The following SLC8A1 variants were observed in gnomAD, a reference collection of about 807,000 sequenced individuals.
SLC8A1 encodes the protein solute carrier family 8 member A1.
SLC8A1 carries 18 observed loss-of-function variants against 68.3 expected under a neutral mutation model. The ratio of observed to expected loss-of-function variants is 0.26; its 90% CI spans 0.18 to 0.39. The LOEUF (loss-of-function observed/expected upper bound fraction) is 0.39. SLC8A1 is among the 10% of genes least tolerant of loss of function. The pLI is 1.00. For synonymous variants in SLC8A1, 475 were observed against 415.5 expected (o/e 1.14, Z -1.74); for missense variants, 985 against 1,156.7 (o/e 0.85, Z 2.15).
At chr2:40,350,343 T>A (rs994561192) in intron 2 of SLC8A1, among the ~76,000 whole-genome samples, 12 of 151,686 alleles carry the variant, frequency 7.9e-5, no homozygotes, top group African/African-American at 2.9e-4. Flanking sequence ...TAGCTGACTG[T>A]GTTGGTGTAG....
chr2:40,458,442 G>A (rs376521976), intron 1 of SLC8A1, among the ~76,000 whole-genome samples: 15 of 152,140 alleles, frequency 9.9e-5, no homozygotes, highest in East Asian at 5.8e-4. Context: ...AACATGTATC[G>A]TCCCCTGTAA....
chr2:40,207,865 A>G (rs945403058), intron 2 of SLC8A1, among the ~76,000 whole-genome samples: 53 of 151,988 alleles, frequency 3.5e-4, no homozygotes, highest in African/African-American at 1.3e-3. Flanking sequence ...AACCTGTTTT[A>G]CTTAGAGTGT....
chr2:40,156,870 C>G (rs2044629621), intron 6 of SLC8A1, among the ~76,000 whole-genome samples: 1 of 152,084 alleles, frequency 6.6e-6, no homozygotes, highest in Admixed American at 6.6e-5. Flanking sequence ...CTCTGCGTAC[C>G]TGTGTATACG....
intron 2 of SLC8A1, among the ~76,000 whole-genome samples, chr2:40,416,934 A>G (rs1370583923): frequency 1.3e-5 from 2 of 152,068 alleles, no homozygotes; most frequent in Non-Finnish European, 2.9e-5. Context: ...CCTAAGCATC[A>G]CATTTTCCCA....
intron 4 of SLC8A1, among the ~76,000 whole-genome samples, chr2:40,173,046 A>G (rs545646954): frequency 6.5e-4 from 99 of 152,274 alleles, no homozygotes; most frequent in African/African-American, 2.2e-3. Context: ...ACAAGTTTTT[A>G]GTTAGGGTCT....
At chr2:40,341,237 C>G (rs911657892) in intron 2 of SLC8A1, among the ~76,000 whole-genome samples, 1 of 152,078 alleles carries the variant, frequency 6.6e-6, no homozygotes, top group Non-Finnish European at 1.5e-5. Flanking sequence ...GTCAATTCAT[C>G]TTCAGAAAAA....
chr2:40,277,045 A>G (rs923804795), intron 2 of SLC8A1, among the ~76,000 whole-genome samples: 3 of 152,246 alleles, frequency 2.0e-5, no homozygotes, highest in African/African-American at 7.2e-5. Context: ...ATTAAAAACA[A>G]TGATGGAATC....
intron 1 of SLC8A1, among the ~76,000 whole-genome samples, chr2:40,488,322 A>G (rs1024668567): frequency 8.6e-5 from 13 of 152,026 alleles, no homozygotes; most frequent in African/African-American, 2.2e-4. Context: ...GTGAAAGACT[A>G]TAAATGACAG....
chr2:40,387,125 A>G (rs1683820201), intron 2 of SLC8A1, among the ~76,000 whole-genome samples: 1 of 151,476 alleles, frequency 6.6e-6, no homozygotes. Context: ...CTCACAGAGC[A>G]TTGGACCTCA....
At chr2:40,255,345 A>G (rs1412275216) in intron 2 of SLC8A1, 1 of 152,176 alleles carries the variant, frequency 6.6e-6, no homozygotes, top group East Asian at 1.9e-4. Context: ...ACAGATCCTC[A>G]GCTTCTGGGA....
intron 6 of SLC8A1, among the ~76,000 whole-genome samples, chr2:40,150,338 C>T (rs1018132641): frequency 3.3e-5 from 5 of 152,156 alleles, no homozygotes; most frequent in African/African-American, 1.2e-4. Context: ...TTATGTGGCT[C>T]CTCTCTGCCT....
intron 2 of SLC8A1, among the ~76,000 whole-genome samples, chr2:40,238,405 G>A (rs1234440228): frequency 1.3e-5 from 2 of 149,374 alleles, no homozygotes; most frequent in Non-Finnish European, 3.0e-5. Context: ...TGACTCGGAA[G>A]GGAAACTCCC....
chr2:40,444,941 C>T (rs533503649), intron 1 of SLC8A1, among the ~76,000 whole-genome samples: 13 of 152,306 alleles, frequency 8.5e-5, no homozygotes, highest in African/African-American at 2.9e-4. Flanking sequence ...TACTTATCTT[C>T]CTTTACCTTC....
At chr2:40,494,188 A>G (rs1219297667) in intron 1 of SLC8A1, among the ~76,000 whole-genome samples, 1 of 152,052 alleles carries the variant, frequency 6.6e-6, no homozygotes, top group Non-Finnish European at 1.5e-5. Flanking sequence ...TGACTCCCCT[A>G]TCACTCTTGT....
Position 40,368,214 on chromosome 2 carries a change from CT to C in SLC8A1, c.1808+60258del, listed in dbSNP as rs374067774. ...TTTGATGGTGAACCAGTTATCAAAA[CT>C]TTTTGTGGATGTCTAACTACAGAAA... is the stretch of plus-strand genomic sequence containing the variant. On this transcript the variant is annotated intron_variant, in intron 2 of 7. Coordinates refer to ENST00000406785, the Ensembl canonical transcript of SLC8A1. Among the ~76,000 whole-genome samples the C allele has an allele frequency of 2.7e-4, 41 of 152,130 alleles. No individual in the cohort carries two copies. In the East Asian group the frequency reaches 7.2e-3, roughly 27 times the overall value.
chr2:40,186,286 C>T (rs78073513), intron 2 of SLC8A1, among the ~76,000 whole-genome samples: 24 of 152,326 alleles, frequency 1.6e-4, no homozygotes, highest in Non-Finnish European at 2.5e-4. Flanking sequence ...TTATTTCTTA[C>T]TACCTACAGG....
chr2:40,246,645 C>A (rs1558936087), intron 2 of SLC8A1, among the ~76,000 whole-genome samples: 1 of 152,160 alleles, frequency 6.6e-6, no homozygotes, highest in African/African-American at 2.4e-5. Context: ...TCCAAACAGA[C>A]CTTTCATAAG....
At chr2:40,270,400 G>C (rs1278410223) in intron 2 of SLC8A1, among the ~76,000 whole-genome samples, 2 of 152,202 alleles carry the variant, frequency 1.3e-5, no homozygotes, top group East Asian at 3.9e-4. Flanking sequence ...GTCTTACTAG[G>C]CTAACATTGA....
chr2:40,358,077 C>T (rs6544329), intron 2 of SLC8A1, among the ~76,000 whole-genome samples: 67,327 of 141,890 alleles, frequency 0.47, 17,009 homozygotes, highest in Admixed American at 0.58. Flanking sequence ...AAAAAGGTGG[C>T]GGTGCTGGTG....
Sources: allele counts gnomAD v4.1 joint callset (sites outside exome capture counted in the v4.1 genomes callset), GRCh38; gene constraint gnomAD v4.1.1; transcripts MANE v1.5; gene names NCBI Gene and HGNC (gene_info 2026-07-23, HGNC 2026-07-21).